Variants in SHROOM2 observed in about 807,000 individuals in gnomAD.
The protein encoded by SHROOM2 is shroom family member 2.
Under a neutral mutation model 75.9 loss-of-function variants are expected in SHROOM2, and 33 were observed. The observed-to-expected ratio is 0.43, with a 90% CI of 0.33 to 0.58. The LOEUF is 0.58. Among genes scored for constraint, SHROOM2 ranks in the 20% least tolerant of loss-of-function variants. The pLI is 0.04. For missense variants in SHROOM2, 1,434 were observed against 1,461.2 expected, an observed-to-expected ratio of 0.98 and a Z score of 0.30; for synonymous variants, 655 against 663.6, an observed-to-expected ratio of 0.99 and a Z score of 0.20.
intron 2 of SHROOM2, 131 bp from the exon 3 acceptor site, chrX:9,890,846 T>C (rs1200750866): frequency 4.8e-6 from 3 of 630,181 alleles, no homozygotes; most frequent in Non-Finnish European, 6.9e-6. Flanking sequence ...TGTGCGGTCC[T>C]CAAGCCCCCT....
In SHROOM2 at chrX:9,788,953, A is replaced by G. The variant is rs749310903; in HGVS notation, c.165+2243A>G. On this transcript the variant is annotated intron_variant, in intron 1 of 9. Coordinates refer to ENST00000380913, the MANE Select transcript of SHROOM2 (RefSeq NM_001649.4). ...TTGAATCTCTTTTGTTAGATTAACC[A>G]TATATCACCTTTGCTCTTAAAGGAT... 4.5e-5 allele frequency among the ~76,000 whole-genome samples: 5 copies of G among 111,310 alleles called. No individual in the cohort carries two copies. In the East Asian group the frequency reaches 8.5e-4, roughly 19 times the overall value.
chrX:9,941,236 G>T (rs1056001992), intron 8 of SHROOM2, among the ~76,000 whole-genome samples: 1 of 112,120 alleles, frequency 8.9e-6, no homozygotes, highest in African/African-American at 3.2e-5. Context: ...AATGGCCCAG[G>T]GCTCATTCTT....
intron 1 of SHROOM2, among the ~76,000 whole-genome samples, chrX:9,858,631 G>A (rs1363958166): frequency 1.8e-5 from 2 of 110,976 alleles, no homozygotes; most frequent in Non-Finnish European, 3.8e-5. Flanking sequence ...GTGAAACCCC[G>A]TGTCTACTAA....
intron 1 of SHROOM2, among the ~76,000 whole-genome samples, chrX:9,787,992 C>CTTTTTTTTTTTTTTTTTTTTTTTTTT (rs58004470): frequency 5.9e-5 from 5 of 84,230 alleles, no homozygotes; most frequent in African/African-American, 2.1e-4. Flanking sequence ...TTTCTTTCTT[C>CTTTTTTTTTTTTTTTTTTTTTTTTTT]TTTTTTTTTT....
At chrX:9,846,838 G>A (rs1042380281) in intron 1 of SHROOM2, among the ~76,000 whole-genome samples, 1 of 112,273 alleles carries the variant, frequency 8.9e-6, no homozygotes, top group Non-Finnish European at 1.9e-5. Context: ...TGTGGTTGGC[G>A]TCTGCCTTCC....
intron 5 of SHROOM2, among the ~76,000 whole-genome samples, chrX:9,922,213 T>C (rs956403738): frequency 1.8e-4 from 20 of 110,739 alleles, no homozygotes; most frequent in Admixed American, 2.9e-4. Context: ...GCCACCATAC[T>C]TGGATAATTT....
chrX:9,909,638 C>T (rs1478063671), intron 5 of SHROOM2, among the ~76,000 whole-genome samples: 2 of 112,213 alleles, frequency 1.8e-5, no homozygotes, highest in African/African-American at 6.5e-5. Flanking sequence ...CATGGTCTCT[C>T]TCCCAGAAGT....
chrX:9,808,336 G>C (rs964271196), intron 1 of SHROOM2, among the ~76,000 whole-genome samples: 4 of 103,794 alleles, frequency 3.9e-5, no homozygotes, highest in African/African-American at 1.1e-4. Flanking sequence ...TGGAGCCCAG[G>C]AGTTCGAGAC....
intron 5 of SHROOM2, among the ~76,000 whole-genome samples, chrX:9,919,904 TCAAATCACTACAGCTCATCAGACAGA>T (rs1457286165): frequency 2.7e-5 from 3 of 110,349 alleles, no homozygotes; most frequent in East Asian, 2.9e-4. Flanking sequence ...GACAGACATC[TCAAATCACTACAGCTCATCAGACAGA>T]CAAATCACTA....
chrX:9,929,933 C>CTTT (rs1204490962), intron 5 of SHROOM2, among the ~76,000 whole-genome samples: 2 of 111,395 alleles, frequency 1.8e-5, no homozygotes, highest in Non-Finnish European at 3.8e-5. Context: ...GCTTTTGCTT[C>CTTT]CTCCGTTTTC....
intron 1 of SHROOM2, among the ~76,000 whole-genome samples, chrX:9,799,822 C>A (rs181087774): frequency 1.8e-5 from 2 of 111,067 alleles, no homozygotes; most frequent in African/African-American, 6.5e-5. Context: ...GCCTCAACTT[C>A]TCTTCTTTTT....
rs145727348 is a variant in SHROOM2, at chrX:9,896,103, T to A, written c.2195T>A (p.Leu732Gln). ...GTCCCCCACTTCTGGGAGGCAGGCCTGGCCCAGCCACCCTCATCTACAAGT... is the reference window on the plus strand; with the variant it reads ...GTCCCCCACTTCTGGGAGGCAGGCCAGGCCCAGCCACCCTCATCTACAAGT... ...DTVPHFWEAG[L>Q]AQPPSSTSGG... Residue 732 changes from leucine to glutamine, a missense_variant, in exon 4 of 10, where the codon CTG becomes CAG. This residue lies in a region of SHROOM2 where 1,340 missense variants were observed against 1,338.3 expected (regional missense o/e 1.00). Coordinates refer to ENST00000380913, the MANE Select transcript of SHROOM2 (RefSeq NM_001649.4). 1.9e-3 allele frequency: 2,309 copies of A among 1,208,845 alleles called. 24 individuals carry two copies. In the African/African-American group the frequency reaches 0.034, roughly 18 times the overall value.
At position 9,914,059 on chromosome X, in the gene SHROOM2, AC is replaced by A. The variant is rs1225524550; in HGVS notation, c.2891+15775del. Among the ~76,000 whole-genome samples, 20 of 48,678 alleles carry A rather than the reference AC, an allele frequency of 4.1e-4. No homozygotes were observed. In the East Asian group the frequency reaches 0.012, roughly 30 times the overall value. 42.3% of individuals were successfully genotyped at this position (48,678 alleles called of 115,157 possible). A position where few individuals can be genotyped will look rare whatever the true frequency, so the allele number is the denominator to read the frequency against. On this transcript the variant is annotated intron_variant, in intron 5 of 9. Transcript: ENST00000380913. ...TGTTTCTCCGCCTCCACCTGCGCCC[AC>A]CCCCCTGCCCCCCCGCCCCTCCCGC...
rs1395769248 is a variant in SHROOM2, at chrX:9,947,173, C to A, written c.*236C>A. Reference sequence around the variant, plus strand: ...CCTTTACACATAACTACACCTGACACCAGGCTCTGCTGGATGTGAGTTTCC... The same window carrying A: ...CCTTTACACATAACTACACCTGACAACAGGCTCTGCTGGATGTGAGTTTCC... On this transcript the variant is annotated 3_prime_UTR_variant, in exon 10 of 10. Coordinates refer to ENST00000380913, the MANE Select transcript of SHROOM2 (RefSeq NM_001649.4). 1 of 399,617 alleles carries A rather than the reference C, an allele frequency of 2.5e-6. No individual in the cohort carries two copies. Among genetic ancestry groups the A allele is most frequent in the Non-Finnish European group, 4.3e-6 (1 of 233,469 alleles). 32.9% of individuals were successfully genotyped at this position (399,617 alleles called of 1,213,427 possible). A position where few individuals can be genotyped will look rare whatever the true frequency, so the allele number is the denominator to read the frequency against.
chrX:9,932,632 G>A lies in SHROOM2; in HGVS notation c.3349G>A (p.Val1117Met), dbSNP rs369568712. The A allele has an allele frequency of 1.6e-5, 19 of 1,209,256 alleles. No individual in the cohort carries two copies. Among genetic ancestry groups the A allele is most frequent in the Non-Finnish European group, 1.1e-6 (1 of 894,603 alleles). Residue 1117 changes from valine to methionine, a missense_variant, in exon 6 of 10, where the codon GTG becomes ATG. By Grantham distance (21) the Val-to-Met change is conservative. Around this residue, in one of 3 missense-constraint regions of SHROOM2, gnomAD observed 1,340 missense variants for 1,338.3 expected, o/e 1.00. Coordinates refer to ENST00000380913, the MANE Select transcript of SHROOM2 (RefSeq NM_001649.4). ...CCTGTCCCTCTCCCACAGCCCCTCT[G>A]TGTTCAGCAGTGCCCAGCCCCAGGA... ...ARLSLSHSPSVFSSAQPQDTP... is the reference protein window; with the variant it reads ...ARLSLSHSPSMFSSAQPQDTP...
chrX:9,836,494 C>G (rs2083946114), intron 1 of SHROOM2, among the ~76,000 whole-genome samples: 2 of 108,986 alleles, frequency 1.8e-5, no homozygotes, highest in African/African-American at 3.4e-5. Flanking sequence ...TTCTCTCTCT[C>G]TCTCTTTTCT....
chrX:9,944,221 C>T (rs920366708), intron 8 of SHROOM2, among the ~76,000 whole-genome samples: 1 of 111,193 alleles, frequency 9.0e-6, no homozygotes, highest in Non-Finnish European at 1.9e-5. Flanking sequence ...GGACACATAA[C>T]TAATCACGGA....
intron 2 of SHROOM2, among the ~76,000 whole-genome samples, chrX:9,885,664 T>G (rs2084256947): frequency 9.0e-6 from 1 of 111,489 alleles, no homozygotes; most frequent in Non-Finnish European, 1.9e-5. Flanking sequence ...ATTTAAAAAA[T>G]TATCCCTAGG....
intron 5 of SHROOM2, among the ~76,000 whole-genome samples, chrX:9,908,977 A>AATAAATAAATAAATAAAT: frequency 9.0e-6 from 1 of 110,749 alleles, no homozygotes; most frequent in African/African-American, 3.3e-5. Context: ...ATAAATAAAA[A>AATAAATAAATAAATAAAT]CAAAAATAAA....
Sources: allele counts gnomAD v4.1 joint callset (sites outside exome capture counted in the v4.1 genomes callset), GRCh38; gene constraint gnomAD v4.1.1; regional missense constraint gnomAD v4.1.1; transcripts MANE v1.5; gene names NCBI Gene and HGNC (gene_info 2026-07-23, HGNC 2026-07-21).